KPNA4: variants seen among roughly 807,000 people sequenced by gnomAD.
KPNA4 encodes karyopherin subunit alpha 4.
A neutral mutation model predicts 71.3 loss-of-function variants in KPNA4; 13 were observed. The ratio of observed to expected loss-of-function variants is 0.18; its 90% CI spans 0.12 to 0.29. KPNA4 has a LOEUF of 0.29. KPNA4 is among the 10% of genes least tolerant of loss of function. The pLI, the probability that KPNA4 is intolerant of heterozygous loss-of-function variation, is 1.00. For missense variants in KPNA4, 334 were observed against 603.2 expected, an observed-to-expected ratio of 0.55 and a Z score of 4.67; for synonymous variants, 189 against 195.2, an observed-to-expected ratio of 0.97 and a Z score of 0.26.
intron 10 of KPNA4, among the ~76,000 whole-genome samples, chr3:160,524,331 T>TTTTA (rs544920775): frequency 1.6e-3 from 237 of 152,048 alleles, no homozygotes; most frequent in South Asian, 2.7e-3. Context: ...TTGCCAATCG[T>TTTTA]TTTATTTATT....
In KPNA4 at chr3:160,497,455, A is replaced by C. The variant is rs901962415; in HGVS notation, c.*4649T>G. On this transcript the variant is annotated 3_prime_UTR_variant, in exon 17 of 17. Transcript: ENST00000334256. The stretch of plus-strand genomic sequence containing the variant: ...GACTGCACTAATGCCACCAACGTGC[A>C]TATTGATTTGAAGGCATCTTGCAGC... 1 of 152,198 alleles carries C rather than the reference A, an allele frequency of 6.6e-6. No individual in the cohort carries two copies. Among genetic ancestry groups the C allele is most frequent in the Non-Finnish European group, 1.5e-5 (1 of 68,036 alleles). 9.4% of individuals were successfully genotyped at this position (152,198 alleles called of 1,614,324 possible).
intron 5 of KPNA4, among the ~76,000 whole-genome samples, chr3:160,533,034 T>C (rs926092606): frequency 6.6e-6 from 1 of 151,988 alleles, no homozygotes; most frequent in African/African-American, 2.4e-5. Flanking sequence ...TCACTACTTA[T>C]TTTTTTTGAG....
chr3:160,540,531 T>A (rs112219547), intron 1 of KPNA4, among the ~76,000 whole-genome samples: 1,844 of 152,294 alleles, frequency 0.012, 20 homozygotes, highest in Middle Eastern at 0.02. Context: ...ATGAATGAAC[T>A]GGTAGAAAGA....
In KPNA4 at chr3:160,512,334, G is replaced by C. The variant is rs566761075; in HGVS notation, c.1137+1743C>G. On this transcript the variant is annotated intron_variant, in intron 13 of 16. Transcript: ENST00000334256. Reference sequence around the variant, plus strand: ...ATTCTAAGAGGTTCCTGTTGGTCAGGAACAAACAGAGTATCAAAAAGAGTA... The same window carrying C: ...ATTCTAAGAGGTTCCTGTTGGTCAGCAACAAACAGAGTATCAAAAAGAGTA... Among the ~76,000 whole-genome samples the C allele has an allele frequency of 3.9e-5, 6 of 152,004 alleles. No individual in the cohort carries two copies. In the South Asian group the frequency reaches 1.2e-3, roughly 32 times the overall value.
chr3:160,518,004 T>C (rs1360866262), intron 11 of KPNA4, among the ~76,000 whole-genome samples: 1 of 152,238 alleles, frequency 6.6e-6, no homozygotes, highest in Non-Finnish European at 1.5e-5. Context: ...TTTTCTTTGG[T>C]TGCTTGTGGT....
intron 10 of KPNA4, 80 bp downstream of exon 10, chr3:160,525,720 A>G: frequency 1.2e-6 from 1 of 834,816 alleles, no homozygotes; most frequent in East Asian, 3.0e-5. Context: ...TTAGTATAAT[A>G]TTTCTCCCCT....
chr3:160,512,358 T>TA (rs1266577449), intron 13 of KPNA4, among the ~76,000 whole-genome samples: 1 of 151,654 alleles, frequency 6.6e-6, no homozygotes, highest in Admixed American at 6.6e-5. Flanking sequence ...TCAAAAAGAG[T>TA]AACAACTAAA....
At chr3:160,536,706 A>G in intron 2 of KPNA4, 90 bp downstream of exon 2, 1 of 683,120 alleles carries the variant, frequency 1.5e-6, no homozygotes, top group Non-Finnish European at 2.4e-6. Context: ...CATTTTACCT[A>G]AAAACATAAT....
intron 1 of KPNA4, among the ~76,000 whole-genome samples, chr3:160,539,238 C>A (rs1721750759): frequency 6.6e-6 from 1 of 152,046 alleles, no homozygotes; most frequent in African/African-American, 2.4e-5. Context: ...ATATACTATG[C>A]AACTTTATTT....
intron 1 of KPNA4, among the ~76,000 whole-genome samples, chr3:160,553,538 G>C (rs1039935035): frequency 6.6e-6 from 1 of 152,142 alleles, no homozygotes; most frequent in Non-Finnish European, 1.5e-5. Flanking sequence ...AATCCTACCT[G>C]ACATGTCTTG....
chr3:160,535,191 A>G (rs1011738084), intron 5 of KPNA4, among the ~76,000 whole-genome samples: 1 of 152,222 alleles, frequency 6.6e-6, no homozygotes, highest in African/African-American at 2.4e-5. Context: ...AGTAAAAGGT[A>G]AAGCTTTACA....
At position 160,505,047 on chromosome 3, in the gene KPNA4, C is replaced by T; in HGVS notation, c.1378G>A (p.Glu460Lys). The T allele has an allele frequency of 6.6e-7, 1 of 1,523,864 alleles. No individual in the cohort carries two copies. Among genetic ancestry groups the T allele is most frequent in the Non-Finnish European group, 8.8e-7 (1 of 1,133,576 alleles). 94.4% of individuals were successfully genotyped at this position (1,523,864 alleles called of 1,614,324 possible). Residue 460 changes from glutamate (E) to lysine (K), a missense_variant, in exon 16 of 17, where the codon GAG (glutamate) becomes AAG (lysine). Glu to Lys is a moderately conservative substitution (Grantham distance 56). Transcript: ENST00000334256. ...GNLIEECGGL[E>K]KIEQLQNHEN... ...TGATTTTGAAGTTGTTCAATTTTCTCCAGCCCTGCAAGAAATTTTGCAATG... is the reference window on the plus strand; with the variant it reads ...TGATTTTGAAGTTGTTCAATTTTCTTCAGCCCTGCAAGAAATTTTGCAATG...
intron 1 of KPNA4, among the ~76,000 whole-genome samples, chr3:160,538,451 A>G (rs112733698): frequency 2.0e-5 from 3 of 152,256 alleles, no homozygotes; most frequent in African/African-American, 7.2e-5. Context: ...TGCTTCAGTT[A>G]TAAGTTAGTG....
chr3:160,531,914 T>C (rs1721582256), intron 5 of KPNA4, among the ~76,000 whole-genome samples: 2 of 152,156 alleles, frequency 1.3e-5, no homozygotes, highest in African/African-American at 2.4e-5. Flanking sequence ...TGCCTCAGTC[T>C]CCTGAGTAGC....
intron 11 of KPNA4, among the ~76,000 whole-genome samples, chr3:160,516,320 A>G (rs1172455553): frequency 6.6e-6 from 1 of 150,858 alleles, no homozygotes; most frequent in East Asian, 1.9e-4. Flanking sequence ...TTGAGCACTT[A>G]GCATCAGGCA....
chr3:160,550,040 T>C (rs1722006571), intron 1 of KPNA4, among the ~76,000 whole-genome samples: 1 of 152,222 alleles, frequency 6.6e-6, no homozygotes, highest in African/African-American at 2.4e-5. Flanking sequence ...ACTGTTAGTG[T>C]ATAGAAACAG....
In KPNA4 at chr3:160,500,301, T is replaced by C. The variant is rs1560042119; in HGVS notation, c.*1803A>G. On this transcript the variant is annotated 3_prime_UTR_variant, in exon 17 of 17. Transcript: ENST00000334256. ...TAACCATGTTTCTGATGACAAGGAATGCTGCAAAAATACTCTAGTTCAACA... is the reference window on the plus strand; with the variant it reads ...TAACCATGTTTCTGATGACAAGGAACGCTGCAAAAATACTCTAGTTCAACA... The C allele has an allele frequency of 6.6e-6, 1 of 152,632 alleles. No individual in the cohort carries two copies. Among genetic ancestry groups the C allele is most frequent in the Non-Finnish European group, 1.5e-5 (1 of 68,014 alleles). 9.5% of individuals were successfully genotyped at this position (152,632 alleles called of 1,614,324 possible).
At chr3:160,514,027 C>T in intron 13 of KPNA4, 50 bp downstream of exon 13, 3 of 1,068,088 alleles carry the variant, frequency 2.8e-6, no homozygotes, top group Admixed American at 2.9e-5. Flanking sequence ...AGATTTAAAT[C>T]CCCTTCCCCT....
At chr3:160,522,701 G>T (rs1310782585) in intron 10 of KPNA4, among the ~76,000 whole-genome samples, 5 of 151,940 alleles carry the variant, frequency 3.3e-5, no homozygotes, top group Non-Finnish European at 2.9e-5. Context: ...CTCATGATCC[G>T]CCCGCCTCGG....
Sources: allele counts gnomAD v4.1 joint callset (sites outside exome capture counted in the v4.1 genomes callset), GRCh38; gene constraint gnomAD v4.1.1; transcripts MANE v1.5; gene names NCBI Gene and HGNC (gene_info 2026-07-23, HGNC 2026-07-21).